MAPKAP1: variants seen among roughly 807,000 people sequenced by gnomAD.
The protein encoded by MAPKAP1 is target of rapamycin complex 2 subunit MAPKAP1.
MAPKAP1 carries 20 observed loss-of-function variants against 65.7 expected under a neutral mutation model. The ratio of observed to expected loss-of-function variants is 0.30; its 90% CI spans 0.21 to 0.44. MAPKAP1 has a LOEUF of 0.44. Among genes scored for constraint, MAPKAP1 ranks in the 20% least tolerant of loss-of-function variants. The pLI is 1.00. For missense variants in MAPKAP1, 423 were observed against 648.0 expected (o/e 0.65, Z 3.77); for synonymous variants, 222 against 244.3 (o/e 0.91, Z 0.85).
chr9:125,596,123 T>G (rs1439261729), intron 4 of MAPKAP1: 3 of 803,576 alleles, frequency 3.7e-6, no homozygotes, highest in Non-Finnish European at 4.4e-6. Context: ...TTGTAACCTT[T>G]GATGGCCACG....
chr9:125,459,959 T>G (rs1853421115), intron 10 of MAPKAP1, among the ~76,000 whole-genome samples: 1 of 152,118 alleles, frequency 6.6e-6, no homozygotes. Flanking sequence ...GAGAGTAACT[T>G]AAAATCTAAG....
chr9:125,566,778 T>C (rs1400960174), intron 5 of MAPKAP1, among the ~76,000 whole-genome samples: 1 of 152,100 alleles, frequency 6.6e-6, no homozygotes, highest in Non-Finnish European at 1.5e-5. Flanking sequence ...TTTTCATTCA[T>C]CCATGCTAGA....
chr9:125,635,272 G>A (rs886370967), intron 4 of MAPKAP1, among the ~76,000 whole-genome samples: 1 of 152,064 alleles, frequency 6.6e-6, no homozygotes, highest in African/African-American at 2.4e-5. Context: ...CTCAAACATC[G>A]TTTGTGGCAC....
At chr9:125,574,659 T>A (rs1831338081) in intron 5 of MAPKAP1, among the ~76,000 whole-genome samples, 1 of 152,224 alleles carries the variant, frequency 6.6e-6, no homozygotes. Context: ...CAGAATATCA[T>A]AGCATAGTAA....
At chr9:125,549,929 G>A (rs1379039373) in intron 6 of MAPKAP1, among the ~76,000 whole-genome samples, 3 of 152,040 alleles carry the variant, frequency 2.0e-5, no homozygotes, top group Admixed American at 6.5e-5. Flanking sequence ...TTCACATTCC[G>A]TTCAGAATAT....
intron 4 of MAPKAP1, among the ~76,000 whole-genome samples, chr9:125,643,717 T>A (rs2131718747): frequency 6.6e-6 from 1 of 152,342 alleles, no homozygotes; most frequent in South Asian, 2.1e-4. Flanking sequence ...TTCTGATTAA[T>A]TCCTAAGAAT....
At chr9:125,658,828 T>A (rs1322779074) in intron 3 of MAPKAP1, among the ~76,000 whole-genome samples, 2 of 152,314 alleles carry the variant, frequency 1.3e-5, no homozygotes, top group South Asian at 4.1e-4. Flanking sequence ...TTAAAGTTTT[T>A]AAATAAATCA....
At chr9:125,549,468 G>A (rs1443093110) in intron 6 of MAPKAP1, among the ~76,000 whole-genome samples, 2 of 152,230 alleles carry the variant, frequency 1.3e-5, no homozygotes, top group Non-Finnish European at 2.9e-5. Context: ...TATCCATAAA[G>A]AGTTTACACT....
At chr9:125,665,021 G>A (rs574906713) in intron 3 of MAPKAP1, among the ~76,000 whole-genome samples, 1 of 152,084 alleles carries the variant, frequency 6.6e-6, no homozygotes, top group African/African-American at 2.4e-5. Flanking sequence ...GATGAAATAG[G>A]CCAGGCACAG....
chr9:125,519,671 T>TATAA (rs886315788), intron 7 of MAPKAP1, among the ~76,000 whole-genome samples: 3 of 147,816 alleles, frequency 2.0e-5, no homozygotes, highest in African/African-American at 7.4e-5. Flanking sequence ...TATATATATA[T>TATAA]AATTTAAAAA....
At chr9:125,530,571 G>A (rs1285861360) in intron 7 of MAPKAP1, among the ~76,000 whole-genome samples, 3 of 152,190 alleles carry the variant, frequency 2.0e-5, no homozygotes, top group Non-Finnish European at 2.9e-5. Context: ...TAAGCTATCT[G>A]ATAAATAAGG....
intron 5 of MAPKAP1, among the ~76,000 whole-genome samples, chr9:125,575,879 T>TA (rs1589301989): frequency 6.6e-6 from 1 of 152,176 alleles, no homozygotes; most frequent in African/African-American, 2.4e-5. Flanking sequence ...TACATCCACA[T>TA]AAAAATCTGC....
chr9:125,552,307 G>C (rs1830607150), intron 6 of MAPKAP1, among the ~76,000 whole-genome samples: 1 of 152,102 alleles, frequency 6.6e-6, no homozygotes, highest in African/African-American at 2.4e-5. Context: ...TGGGGCCCAG[G>C]GGTTCTAGAG....
intron 10 of MAPKAP1, among the ~76,000 whole-genome samples, chr9:125,445,187 G>A (rs982937280): frequency 1.3e-5 from 2 of 152,168 alleles, no homozygotes; most frequent in Admixed American, 6.5e-5. Context: ...CAAAGCGACC[G>A]ACTCCAGGGG....
chr9:125,517,840 C>T (rs193088926), intron 7 of MAPKAP1, among the ~76,000 whole-genome samples: 129 of 152,300 alleles, frequency 8.5e-4, no homozygotes, highest in Non-Finnish European at 1.5e-3. Context: ...TTTCATCCCA[C>T]CTTCCTTGGG....
At chr9:125,570,133 T>C (rs1425533003) in intron 5 of MAPKAP1, among the ~76,000 whole-genome samples, 2 of 151,114 alleles carry the variant, frequency 1.3e-5, no homozygotes, top group African/African-American at 4.9e-5. Context: ...CCCCTAGCTA[T>C]ACAAAGAAGA....
At chr9:125,632,149 G>C (rs540215842) in intron 4 of MAPKAP1, among the ~76,000 whole-genome samples, 1 of 151,432 alleles carries the variant, frequency 6.6e-6, no homozygotes, top group East Asian at 1.9e-4. Context: ...TTGAACCCAG[G>C]AGGAAGAGCC....
chr9:125,659,803 A>G (rs932127359), intron 3 of MAPKAP1, among the ~76,000 whole-genome samples: 1 of 151,256 alleles, frequency 6.6e-6, no homozygotes, highest in South Asian at 2.1e-4. Flanking sequence ...ATGTCTGTCT[A>G]TATTCTTCCT....
chr9:125,506,318 C>A lies in MAPKAP1; in HGVS notation c.1058G>T (p.Arg353Leu). ...CGAGGCGGCCAACGTACTGTTCTCGCGGACCAGGCAGAACTCCCATGCGCT... is the reference window on the plus strand; with the variant it reads ...CGAGGCGGCCAACGTACTGTTCTCGAGGACCAGGCAGAACTCCCATGCGCT... ...SQSAWEFCLV[R>L]ENSSRADGVF... Residue 353 changes from arginine (R) to leucine (L), a missense_variant, in exon 8 of 12, where the codon CGC (arginine) becomes CTC (leucine). Arg to Leu is a moderately radical substitution (Grantham distance 102, BLOSUM62 -2). Coordinates refer to ENST00000265960, the MANE Select transcript of MAPKAP1 (RefSeq NM_001006617.3). 1.2e-6 allele frequency: 2 copies of A among 1,613,892 alleles called. No individual in the cohort carries two copies. Among genetic ancestry groups the A allele is most frequent in the Non-Finnish European group, 1.7e-6 (2 of 1,179,900 alleles).
Sources: allele counts gnomAD v4.1 joint callset (sites outside exome capture counted in the v4.1 genomes callset), GRCh38; gene constraint gnomAD v4.1.1; transcripts MANE v1.5; gene names NCBI Gene and HGNC (gene_info 2026-07-23, HGNC 2026-07-21).